Variants in NAV3 observed in about 807,000 individuals in gnomAD.
NAV3 encodes the protein pore membrane and/or filament interacting like protein 1.
NAV3 carries 87 observed loss-of-function variants against 244.7 expected under a neutral mutation model. That is an observed-to-expected ratio of 0.36 (90% CI 0.30 to 0.42). The LOEUF (loss-of-function observed/expected upper bound fraction) is 0.42. Ranked by LOEUF, NAV3 falls within the 20% of genes least tolerant of loss-of-function variation. The pLI is 1.00. For missense variants in NAV3, 2,663 were observed against 2,893.3 expected (o/e 0.92, Z 1.83); for synonymous variants, 1,126 against 1,042.2 (o/e 1.08, Z -1.55).
chr12:78,198,962 G>GT (rs1315501955), intron 36 of NAV3: 20 of 423,228 alleles, frequency 4.7e-5, no homozygotes, highest in African/African-American at 3.3e-4. Context: ...TAAAGTAGAT[G>GT]TTTTTTCTGT....
chr12:77,894,894 T>G (rs1027586848), intron 1 of NAV3, among the ~76,000 whole-genome samples: 1 of 152,186 alleles, frequency 6.6e-6, no homozygotes, highest in Non-Finnish European at 1.5e-5. Context: ...CTGGCTAAAA[T>G]CTTTTTGAAA....
At chr12:78,143,413 T>A (rs964917587) in intron 20 of NAV3, 1 of 442,290 alleles carries the variant, frequency 2.3e-6, no homozygotes, top group African/African-American at 2.1e-5. Context: ...GGTGGATCAC[T>A]TGAGGTCAGG....
At chr12:77,873,571 G>T (rs915932614) in intron 1 of NAV3, among the ~76,000 whole-genome samples, 2 of 149,724 alleles carry the variant, frequency 1.3e-5, no homozygotes, top group African/African-American at 4.9e-5. Context: ...TTTTTATAAT[G>T]TCTTAGCAAA....
At chr12:77,607,118 A>T (rs1281233959) in intron 2 of NAV3, among the ~76,000 whole-genome samples, 1 of 152,086 alleles carries the variant, frequency 6.6e-6, no homozygotes, top group Non-Finnish European at 1.5e-5. Context: ...TTTCTTAAAG[A>T]CGTCTGAAAA....
rs370423270 is a variant in NAV3 at position 78,175,302 on chromosome 12, C to T, written c.4982-4C>T. On this transcript the variant is annotated splice_polypyrimidine_tract_variant and splice_region_variant and intron_variant, in intron 24 of 39. Coordinates refer to ENST00000397909, the MANE Select transcript of NAV3 (RefSeq NM_001024383.2). ...CCGATGTGATACTCTCCCTCTATTGCTAGATCTTCGCATCAGAAGACAGCA... is the reference window on the plus strand; with the variant it reads ...CCGATGTGATACTCTCCCTCTATTGTTAGATCTTCGCATCAGAAGACAGCA... The T allele has an allele frequency of 4.3e-6, 7 of 1,609,942 alleles. No homozygotes were observed. In the African/African-American group the frequency reaches 9.4e-5, roughly 22 times the overall value.
At chr12:78,168,095 A>G (rs1221678019) in intron 23 of NAV3, among the ~76,000 whole-genome samples, 4 of 151,638 alleles carry the variant, frequency 2.6e-5, no homozygotes, top group Non-Finnish European at 5.9e-5. Context: ...TAATACATAT[A>G]TTTTATTTAC....
intron 2 of NAV3, among the ~76,000 whole-genome samples, chr12:77,808,741 C>T (rs1233488948): frequency 7.9e-5 from 12 of 152,220 alleles, no homozygotes; most frequent in Admixed American, 7.8e-4. Flanking sequence ...AGACGGCAAG[C>T]AGGAATGTTT....
At chr12:77,988,040 G>T (rs1202660786) in intron 5 of NAV3, among the ~76,000 whole-genome samples, 1 of 152,142 alleles carries the variant, frequency 6.6e-6, no homozygotes, top group Non-Finnish European at 1.5e-5. Context: ...AAGAGGCATG[G>T]CTTGAGATTT....
chr12:77,943,539 G>T (rs775061970), intron 3 of NAV3, among the ~76,000 whole-genome samples: 2 of 152,184 alleles, frequency 1.3e-5, no homozygotes, highest in African/African-American at 4.8e-5. Context: ...TTAAGAATTT[G>T]TGTAAGCACT....
intron 34 of NAV3, among the ~76,000 whole-genome samples, chr12:78,191,645 T>A (rs767255863): frequency 6.6e-6 from 1 of 152,170 alleles, no homozygotes; most frequent in Admixed American, 6.6e-5. Context: ...GAACCTGAGG[T>A]AGAGTATTTG....
At chr12:78,107,585 A>G (rs1478797752) in intron 12 of NAV3, among the ~76,000 whole-genome samples, 1 of 152,094 alleles carries the variant, frequency 6.6e-6, no homozygotes, top group Non-Finnish European at 1.5e-5. Context: ...AAAGAATAGG[A>G]CAATATATTC....
At chr12:78,149,018 A>G in intron 22 of NAV3, 99 bp downstream of exon 22, 1 of 965,210 alleles carries the variant, frequency 1.0e-6, no homozygotes, top group Non-Finnish European at 1.6e-6. Flanking sequence ...TGCCTGATAC[A>G]GACTTAGATT....
chr12:77,670,657 C>G (rs1050912243), intron 2 of NAV3, among the ~76,000 whole-genome samples: 1 of 152,112 alleles, frequency 6.6e-6, no homozygotes, highest in Non-Finnish European at 1.5e-5. Context: ...AAATGTGATA[C>G]ACCGCTTAAG....
Position 78,212,510 on chromosome 12 carries a change from C to G in NAV3, c.*1993C>G, listed in dbSNP as rs1459442193. 1 of 152,558 alleles carries G rather than the reference C, an allele frequency of 6.6e-6. No individual in the cohort carries two copies. The highest frequency in any genetic ancestry group is 1.9e-4 in the East Asian group (1 of 5,180). The allele number at this position is 152,558 out of a possible 1,614,324, so 9.5% of individuals were successfully genotyped here. A position where few individuals can be genotyped will look rare whatever the true frequency, so the allele number is the denominator to read the frequency against. ...GAATTTATGCACATAGAATTGTCACCCTGACTTTGAAGCCTCAAACATGGA... is the reference window on the plus strand; with the variant it reads ...GAATTTATGCACATAGAATTGTCACGCTGACTTTGAAGCCTCAAACATGGA... On this transcript the variant is annotated 3_prime_UTR_variant, in exon 40 of 40. Coordinates refer to ENST00000397909, the MANE Select transcript of NAV3 (RefSeq NM_001024383.2).
At chr12:77,861,045 G>T (rs1879181637) in intron 1 of NAV3, among the ~76,000 whole-genome samples, 1 of 151,836 alleles carries the variant, frequency 6.6e-6, no homozygotes, top group Non-Finnish European at 1.5e-5. Context: ...TTATCACAGA[G>T]AAATTTGTCC....
chr12:77,873,097 C>T (rs1340688757), intron 1 of NAV3, among the ~76,000 whole-genome samples: 1 of 152,138 alleles, frequency 6.6e-6, no homozygotes, highest in Non-Finnish European at 1.5e-5. Flanking sequence ...CTCTTGGCTG[C>T]CACCATTATA....
intron 1 of NAV3, among the ~76,000 whole-genome samples, chr12:77,844,075 A>G (rs1315367682): frequency 6.6e-6 from 1 of 152,164 alleles, no homozygotes; most frequent in Non-Finnish European, 1.5e-5. Context: ...TAATCAGTGC[A>G]TTTGTGCTGC....
At chr12:77,784,375 A>T (rs1185076985) in intron 2 of NAV3, among the ~76,000 whole-genome samples, 2 of 152,202 alleles carry the variant, frequency 1.3e-5, no homozygotes, top group Non-Finnish European at 2.9e-5. Context: ...AGTCATGTAG[A>T]ATGTACAATA....
rs528675194 is a variant in NAV3, at chr12:77,759,599, T to A, written c.73-180720T>A. On this transcript the variant is annotated intron_variant, in intron 2 of 8. Transcript: ENST00000550042. ...CTACCAAAGGTAGCTGAAGTTAACC[T>A]GAGAAGTGTGCTCTATATGGATTAA... is the stretch of plus-strand genomic sequence containing the variant. Among the ~76,000 whole-genome samples, 112 of 152,350 alleles carry A rather than the reference T, an allele frequency of 7.4e-4. 1 individual carries two copies. Among genetic ancestry groups the A allele is most frequent in the Non-Finnish European group, 1.3e-3 (88 of 68,042 alleles).
Sources: allele counts gnomAD v4.1 joint callset (sites outside exome capture counted in the v4.1 genomes callset), GRCh38; gene constraint gnomAD v4.1.1; transcripts MANE v1.5; gene names NCBI Gene and HGNC (gene_info 2026-07-23, HGNC 2026-07-21).